FGF10: variants seen among roughly 807,000 people sequenced by gnomAD.
FGF10 encodes fibroblast growth factor 10.
In FGF10, 2 loss-of-function variants were observed where a neutral mutation model predicts 19.8. The observed-to-expected ratio is 0.10, with a 90% CI of 0.04 to 0.32. The LOEUF (loss-of-function observed/expected upper bound fraction) is 0.32. FGF10 is among the 10% of genes least tolerant of loss of function. The pLI, the probability that FGF10 is intolerant of heterozygous loss-of-function variation, is 1.00. For missense variants in FGF10, 191 were observed against 246.3 expected, an observed-to-expected ratio of 0.78 and a Z score of 1.50; for synonymous variants, 112 against 94.0, an observed-to-expected ratio of 1.19 and a Z score of -1.10.
intron 1 of FGF10, among the ~76,000 whole-genome samples, chr5:44,364,799 C>T (rs1741568446): frequency 6.6e-6 from 1 of 151,826 alleles, no homozygotes; most frequent in African/African-American, 2.4e-5. Context: ...AATTGAAACA[C>T]AGTGTGAATC....
intron 1 of FGF10, among the ~76,000 whole-genome samples, chr5:44,355,855 G>A (rs1343729735): frequency 6.6e-6 from 1 of 151,384 alleles, no homozygotes; most frequent in African/African-American, 2.4e-5. Flanking sequence ...AAGTGGTACT[G>A]TGGGTCAAAT....
chr5:44,343,850 C>T (rs552719217), intron 1 of FGF10, among the ~76,000 whole-genome samples: 1 of 151,824 alleles, frequency 6.6e-6, no homozygotes, highest in East Asian at 1.9e-4. Context: ...TTTAAAAATA[C>T]ATTAATTTTA....
intron 1 of FGF10, among the ~76,000 whole-genome samples, chr5:44,376,595 C>T (rs534496239): frequency 3.5e-5 from 5 of 144,240 alleles, no homozygotes; most frequent in African/African-American, 1.3e-4. Context: ...ATTACAAAAC[C>T]TCTTCACAGT....
intron 1 of FGF10, among the ~76,000 whole-genome samples, chr5:44,382,139 A>C (rs1381639853): frequency 6.6e-6 from 1 of 152,212 alleles, no homozygotes; most frequent in African/African-American, 2.4e-5. Flanking sequence ...TGAATCTATC[A>C]GATAGTAATT....
chr5:44,306,797 C>G (rs1247805321), intron 2 of FGF10, among the ~76,000 whole-genome samples: 1 of 152,000 alleles, frequency 6.6e-6, no homozygotes. Flanking sequence ...ATATAACATT[C>G]AAATGATGAT....
At chr5:44,354,361 T>C (rs991680467) in intron 1 of FGF10, among the ~76,000 whole-genome samples, 34 of 151,556 alleles carry the variant, frequency 2.2e-4, no homozygotes, top group Non-Finnish European at 4.1e-4. Context: ...AAAGTGCTTA[T>C]TAAATCATTA....
chr5:44,335,277 A>T (rs1740821432), intron 1 of FGF10, among the ~76,000 whole-genome samples: 1 of 151,676 alleles, frequency 6.6e-6, no homozygotes, highest in Non-Finnish European at 1.5e-5. Flanking sequence ...GAAATGACCT[A>T]CTCTCCCTTC....
intron 1 of FGF10, among the ~76,000 whole-genome samples, chr5:44,332,981 A>C (rs1180578160): frequency 6.6e-6 from 1 of 152,130 alleles, no homozygotes; most frequent in African/African-American, 2.4e-5. Context: ...CTTGATCACT[A>C]GCAATCTCTA....
chr5:44,328,576 A>G (rs930844743), intron 1 of FGF10, among the ~76,000 whole-genome samples: 3 of 152,146 alleles, frequency 2.0e-5, no homozygotes, highest in Non-Finnish European at 4.4e-5. Context: ...TGGGCACCAT[A>G]GTGAGACCGC....
rs147851346 is a variant in FGF10, at chr5:44,315,730, C to A, written c.326-5200G>T. 2.4e-3 allele frequency among the ~76,000 whole-genome samples: 364 copies of A among 152,144 alleles called. 1 individual carries two copies. The highest frequency in any genetic ancestry group is 8.3e-3 in the African/African-American group (346 of 41,516). ...CTCTCTAAATGAAACCTCTCTCTCC[C>A]AAGAATTGTTGTCAGTGTCCTAAGT... On this transcript the variant is annotated intron_variant, in intron 1 of 2. Coordinates refer to ENST00000264664, the MANE Select transcript of FGF10 (RefSeq NM_004465.2).
At position 44,365,851 on chromosome 5, in the gene FGF10, A is replaced by G. The variant is rs373879837; in HGVS notation, c.325+22507T>C. The stretch of plus-strand genomic sequence containing the variant: ...TGTGTGTATCTGGGCAATAAGAGTC[A>G]GAGAACATTTGGCTCTTCCTTCAAA... On this transcript the variant is annotated intron_variant, in intron 1 of 2. Coordinates refer to ENST00000264664, the MANE Select transcript of FGF10 (RefSeq NM_004465.2). Among the ~76,000 whole-genome samples, 48 of 152,176 alleles carry G rather than the reference A, an allele frequency of 3.2e-4. No individual in the cohort carries two copies. In the South Asian group the frequency reaches 9.9e-3, roughly 31 times the overall value.
chr5:44,304,138 G>A lies in FGF10; in HGVS notation c.*857C>T, dbSNP rs1290201669. 1 of 152,086 alleles carries A rather than the reference G, an allele frequency of 6.6e-6. No homozygotes were observed. Among genetic ancestry groups the A allele is most frequent in the Admixed American group, 6.6e-5 (1 of 15,252 alleles). 9.4% of individuals were successfully genotyped at this position (152,086 alleles called of 1,614,324 possible). A position where few individuals can be genotyped will look rare whatever the true frequency, so the allele number is the denominator to read the frequency against. ...GCACAGCATTGCCATATTTATTGTT[G>A]ATGGTTATTACTGCAGAAGTGCAAA... is the stretch of plus-strand genomic sequence containing the variant. On this transcript the variant is annotated 3_prime_UTR_variant, in exon 3 of 3. Coordinates refer to ENST00000264664, the MANE Select transcript of FGF10 (RefSeq NM_004465.2).
chr5:44,304,904 T>C lies in FGF10; in HGVS notation c.*91A>G, dbSNP rs1171929390. 1 of 1,322,332 alleles carries C rather than the reference T, an allele frequency of 7.6e-7. No individual in the cohort carries two copies. The highest frequency in any genetic ancestry group is 2.3e-5 in the East Asian group (1 of 43,438). The allele number at this position is 1,322,332 out of a possible 1,614,324, so 81.9% of individuals were successfully genotyped here. On this transcript the variant is annotated 3_prime_UTR_variant, in exon 3 of 3. Transcript: ENST00000264664. ...CAAGCAGACATCTGCAACGTGTCTT[T>C]GCCTTTCAATCTACTGTCTTCATGA...
chr5:44,376,768 G>C (rs1043051372), intron 1 of FGF10, among the ~76,000 whole-genome samples: 1 of 151,110 alleles, frequency 6.6e-6, no homozygotes, highest in Non-Finnish European at 1.5e-5. Flanking sequence ...TTTTTCTTTT[G>C]ATTAAGCTAC....
At chr5:44,322,293 C>T (rs1740512345) in intron 1 of FGF10, among the ~76,000 whole-genome samples, 1 of 152,122 alleles carries the variant, frequency 6.6e-6, no homozygotes, top group South Asian at 2.1e-4. Flanking sequence ...GTGTTCAAGT[C>T]AGCAAAAGGG....
chr5:44,373,248 A>G (rs1302958957), intron 1 of FGF10, among the ~76,000 whole-genome samples: 2 of 152,136 alleles, frequency 1.3e-5, no homozygotes, highest in Non-Finnish European at 2.9e-5. Flanking sequence ...GAATCCATCC[A>G]TCACATGTTT....
At chr5:44,329,754 A>C (rs1740689309) in intron 1 of FGF10, among the ~76,000 whole-genome samples, 1 of 152,166 alleles carries the variant, frequency 6.6e-6, no homozygotes, top group South Asian at 2.1e-4. Context: ...TTAGGTGGCA[A>C]AATCTTGTCA....
At chr5:44,380,202 ATTC>A (rs1441441239) in intron 1 of FGF10, among the ~76,000 whole-genome samples, 1 of 152,194 alleles carries the variant, frequency 6.6e-6, no homozygotes, top group Non-Finnish European at 1.5e-5. Context: ...CAGAATATTA[ATTC>A]TTCTTTTAAT....
chr5:44,337,422 T>C (rs1740879065), intron 1 of FGF10, among the ~76,000 whole-genome samples: 2 of 152,118 alleles, frequency 1.3e-5, no homozygotes, highest in African/African-American at 2.4e-5. Context: ...GTTAATGCAA[T>C]GTAACATTAA....
Sources: gnomAD v4.1 joint callset for allele counts (sites outside exome capture counted in the v4.1 genomes callset) on GRCh38, gnomAD v4.1.1 for gene constraint, MANE v1.5 for transcripts, NCBI Gene and HGNC (gene_info 2026-07-23, HGNC 2026-07-21) for gene names.